Variants in NCOA2 observed in about 807,000 individuals in gnomAD.
NCOA2 encodes the protein nuclear receptor coactivator 2, also known as class E basic helix-loop-helix protein 75.
Under a neutral mutation model 145.1 loss-of-function variants are expected in NCOA2, and 21 were observed. The observed-to-expected ratio is 0.14, with a 90% CI of 0.10 to 0.21. The LOEUF (loss-of-function observed/expected upper bound fraction) is 0.21. NCOA2 is among the 10% of genes least tolerant of loss of function. The probability of loss-of-function intolerance (pLI) is 1.00; values close to 1 mark genes in which losing one functional copy is unlikely to be tolerated. For synonymous variants in NCOA2, 619 were observed against 637.5 expected (o/e 0.97, Z 0.44); for missense variants, 1,472 against 1,837.6 (o/e 0.80, Z 3.64).
At chr8:70,304,309 C>T (rs1827715885) in intron 1 of NCOA2, among the ~76,000 whole-genome samples, 1 of 152,098 alleles carries the variant, frequency 6.6e-6, no homozygotes, top group African/African-American at 2.4e-5. Context: ...CCACAGTATT[C>T]AGTATAGTAA....
chr8:70,383,446 T>C (rs938620886), intron 1 of NCOA2, among the ~76,000 whole-genome samples: 2 of 152,206 alleles, frequency 1.3e-5, no homozygotes, highest in African/African-American at 4.8e-5. Context: ...AAATCCAACA[T>C]TTTAAATGGT....
At chr8:70,133,220 T>TTTTTTTA (rs1809360070) in intron 15 of NCOA2, among the ~76,000 whole-genome samples, 1 of 149,664 alleles carries the variant, frequency 6.7e-6, no homozygotes, top group Non-Finnish European at 1.5e-5. Flanking sequence ...TTTTTTTTTT[T>TTTTTTTA]GGTAAAGACA....
At chr8:70,173,977 T>C (rs1421587798) in intron 5 of NCOA2, among the ~76,000 whole-genome samples, 3 of 152,232 alleles carry the variant, frequency 2.0e-5, no homozygotes, top group Non-Finnish European at 4.4e-5. Flanking sequence ...TGCAGTCTTT[T>C]CAACCTCATC....
intron 4 of NCOA2, among the ~76,000 whole-genome samples, chr8:70,201,119 G>T (rs1256614077): frequency 1.3e-5 from 2 of 150,776 alleles, no homozygotes; most frequent in Admixed American, 1.3e-4. Flanking sequence ...TTTAAAGATG[G>T]TAAATTTTAT....
chr8:70,250,577 GC>G (rs1186741513), intron 2 of NCOA2, among the ~76,000 whole-genome samples: 2 of 151,848 alleles, frequency 1.3e-5, no homozygotes, highest in African/African-American at 4.8e-5. Context: ...CAAAAAGAAG[GC>G]AAAAATGTTT....
At chr8:70,196,303 G>C (rs779359084) in intron 4 of NCOA2, among the ~76,000 whole-genome samples, 1 of 152,180 alleles carries the variant, frequency 6.6e-6, no homozygotes, top group Non-Finnish European at 1.5e-5. Context: ...TTGAACCTGG[G>C]AGGCGGAGGT....
intron 1 of NCOA2, among the ~76,000 whole-genome samples, chr8:70,301,675 A>G (rs917484779): frequency 5.1e-4 from 75 of 147,690 alleles, no homozygotes; most frequent in African/African-American, 1.8e-3. Flanking sequence ...AAAAAAAAAA[A>G]AAAAAGAAAG....
At chr8:70,153,512 T>A (rs1257411967) in intron 11 of NCOA2, among the ~76,000 whole-genome samples, 1 of 152,170 alleles carries the variant, frequency 6.6e-6, no homozygotes, top group Non-Finnish European at 1.5e-5. Flanking sequence ...ACCCTCTAAG[T>A]CCCTTGGGCC....
chr8:70,411,565 T>A, the NCOA2 span, among the ~76,000 whole-genome samples: 273 of 152,342 alleles, frequency 1.8e-3, no homozygotes, highest in African/African-American at 6.3e-3. Flanking sequence ...ATAATTCTGT[T>A]CCTTAGTATG....
chr8:70,262,636 AGAGG>A, intron 2 of NCOA2, among the ~76,000 whole-genome samples: 1 of 152,222 alleles, frequency 6.6e-6, no homozygotes, highest in East Asian at 1.9e-4. Context: ...GACATTTAAT[AGAGG>A]AAGGACAATG....
the NCOA2 span, among the ~76,000 whole-genome samples, chr8:70,435,424 C>CAAAAA: frequency 4.0e-3 from 80 of 20,134 alleles, 12 homozygotes; most frequent in African/African-American, 0.012. Context: ...GACTCCGTCT[C>CAAAAA]AAAAAAAAAA....
intron 22 of NCOA2, among the ~76,000 whole-genome samples, chr8:70,120,775 G>A (rs917185887): frequency 1.3e-5 from 2 of 152,018 alleles, no homozygotes; most frequent in African/African-American, 4.8e-5. Context: ...AAGTGTTTAA[G>A]GTGTAATAGG....
chr8:70,359,051 C>T (rs57881093), intron 1 of NCOA2, among the ~76,000 whole-genome samples: 15,973 of 152,096 alleles, frequency 0.11, 1,283 homozygotes, highest in East Asian at 0.41. Context: ...CCTAGGATGG[C>T]TATATTACAA....
intron 3 of NCOA2, 80 bp downstream of exon 3, chr8:70,216,580 A>C: frequency 3.4e-6 from 4 of 1,165,582 alleles, no homozygotes; most frequent in Non-Finnish European, 5.2e-6. Flanking sequence ...TCAGCAGTAA[A>C]ATCAATGCTA....
chr8:70,378,550 G>A (rs994572116), intron 1 of NCOA2, among the ~76,000 whole-genome samples: 21 of 151,874 alleles, frequency 1.4e-4, no homozygotes, highest in Admixed American at 8.5e-4. Flanking sequence ...GTAGATTTTC[G>A]AACGGGTCTA....
chr8:70,186,279 T>C (rs1563586720), intron 4 of NCOA2, among the ~76,000 whole-genome samples: 1 of 152,172 alleles, frequency 6.6e-6, no homozygotes. Context: ...AGAATAATAT[T>C]TATATCATAT....
chr8:70,436,711 A>G, the NCOA2 span, among the ~76,000 whole-genome samples: 1 of 152,248 alleles, frequency 6.6e-6, no homozygotes, highest in Admixed American at 6.5e-5. Context: ...AATTGAAGCT[A>G]TTCAAAACAT....
intron 1 of NCOA2, among the ~76,000 whole-genome samples, chr8:70,398,066 T>C (rs1055745013): frequency 6.6e-6 from 1 of 152,124 alleles, no homozygotes; most frequent in Admixed American, 6.5e-5. Context: ...CAAAGTACAC[T>C]GAAAAGGCCA....
At position 70,154,415 on chromosome 8, in the gene NCOA2, T is replaced by C. The variant is rs1489304366; in HGVS notation, c.2394+1556A>G. ...GTTAATAACCCATGTTTTCTTTAAA[T>C]GGGTTTTAATTTTTTGAGACAGGGT... On this transcript the variant is annotated intron_variant, in intron 11 of 22. Transcript: ENST00000452400. Among the ~76,000 whole-genome samples the C allele has an allele frequency of 6.6e-5, 10 of 152,304 alleles. No individual in the cohort carries two copies. In the East Asian group the frequency reaches 1.2e-3, roughly 18 times the overall value.
Sources: allele counts gnomAD v4.1 joint callset (sites outside exome capture counted in the v4.1 genomes callset), GRCh38; gene constraint gnomAD v4.1.1; transcripts MANE v1.5; gene names NCBI Gene and HGNC (gene_info 2026-07-23, HGNC 2026-07-21).